Variants in AOAH observed in about 807,000 individuals in gnomAD.
AOAH encodes the protein acyloxyacyl hydrolase (neutrophil).
A neutral mutation model predicts 92.2 loss-of-function variants in AOAH; 64 were observed. The observed-to-expected ratio is 0.69, with a 90% CI of 0.57 to 0.86. The LOEUF (loss-of-function observed/expected upper bound fraction) is 0.86. Among genes scored for constraint, AOAH ranks in the 40% least tolerant of loss-of-function variants. The pLI is 0.00. For synonymous variants in AOAH, 263 were observed against 254.5 expected (o/e 1.03, Z -0.32); for missense variants, 656 against 694.6 (o/e 0.94, Z 0.62).
chr7:36,714,011 C>T (rs1391175413), intron 1 of AOAH, among the ~76,000 whole-genome samples: 5 of 152,074 alleles, frequency 3.3e-5, no homozygotes, highest in South Asian at 2.1e-4. Flanking sequence ...ACACAAAAAA[C>T]CCTTCAAAAA....
At chr7:36,550,062 A>G (rs1371225720) in intron 13 of AOAH, 2 of 152,450 alleles carry the variant, frequency 1.3e-5, no homozygotes, top group Non-Finnish European at 2.9e-5. Context: ...TATCTCTTAT[A>G]TGAAAACCCA....
At chr7:36,532,109 G>T in intron 18 of AOAH, 38 bp downstream of exon 18, 1 of 1,609,736 alleles carries the variant, frequency 6.2e-7, no homozygotes, top group East Asian at 2.2e-5. Flanking sequence ...GGGAAAGAAT[G>T]ATCAAAGATG....
intron 12 of AOAH, among the ~76,000 whole-genome samples, chr7:36,587,187 G>A (rs369497177): frequency 2.5e-4 from 38 of 149,106 alleles, no homozygotes; most frequent in African/African-American, 7.9e-4. Context: ...CAGGAGAATC[G>A]CTTGAACCCA....
chr7:36,676,936 G>A (rs959005189), intron 2 of AOAH, among the ~76,000 whole-genome samples: 2 of 152,054 alleles, frequency 1.3e-5, no homozygotes, highest in African/African-American at 2.4e-5. Flanking sequence ...AACCCAAAAC[G>A]GGTCAAAGAC....
chr7:36,617,236 C>T lies in AOAH; in HGVS notation c.752-762G>A, dbSNP rs529505344. Among the ~76,000 whole-genome samples the T allele has an allele frequency of 3.9e-5, 6 of 152,318 alleles. No individual in the cohort carries two copies. In the East Asian group the frequency reaches 7.7e-4, roughly 20 times the overall value. On this transcript the variant is annotated intron_variant, in intron 10 of 20. Transcript: ENST00000617537. ...CTTCATGGAAACCACTATTTGGCCA[C>T]AGAAATGGGGACTGAGAAGGCCCAG...
At chr7:36,682,857 C>G (rs1455161675) in intron 2 of AOAH, among the ~76,000 whole-genome samples, 1 of 151,772 alleles carries the variant, frequency 6.6e-6, no homozygotes, top group Non-Finnish European at 1.5e-5. Flanking sequence ...ATAGCAAAGA[C>G]AGGCAATGAA....
At chr7:36,723,927 T>C in intron 1 of AOAH, 95 bp downstream of exon 1, 2 of 1,394,506 alleles carry the variant, frequency 1.4e-6, no homozygotes, top group Non-Finnish European at 1.9e-6. Flanking sequence ...CTTACAATTC[T>C]TGATTTAATA....
chr7:36,616,813 T>C (rs1791921065), intron 10 of AOAH, among the ~76,000 whole-genome samples: 1 of 152,240 alleles, frequency 6.6e-6, no homozygotes. Context: ...GAAATTGCTT[T>C]CTTGAAAACA....
chr7:36,514,488 C>G, intron 20 of AOAH: 1 of 1,535,622 alleles, frequency 6.5e-7, no homozygotes, highest in Admixed American at 2.0e-5. Flanking sequence ...GTTCTGCTGT[C>G]GCATGTCAGG....
At chr7:36,626,121 G>T (rs1015159861) in intron 6 of AOAH, among the ~76,000 whole-genome samples, 3 of 152,092 alleles carry the variant, frequency 2.0e-5, no homozygotes, top group Non-Finnish European at 4.4e-5. Context: ...TTTTCTAGTT[G>T]AGAAAAGGAA....
chr7:36,703,229 G>A (rs566741958), intron 1 of AOAH, among the ~76,000 whole-genome samples: 34 of 151,942 alleles, frequency 2.2e-4, no homozygotes, highest in African/African-American at 5.3e-4. Flanking sequence ...TGGAATCAAC[G>A]TTTGCCAAAC....
intron 12 of AOAH, among the ~76,000 whole-genome samples, chr7:36,589,376 T>C (rs1291115855): frequency 6.6e-5 from 10 of 152,186 alleles, no homozygotes; most frequent in Admixed American, 6.5e-4. Flanking sequence ...CACTATACCA[T>C]AGGCTCTATA....
At chr7:36,649,044 A>G (rs1490356702) in intron 4 of AOAH, among the ~76,000 whole-genome samples, 1 of 152,230 alleles carries the variant, frequency 6.6e-6, no homozygotes, top group Non-Finnish European at 1.5e-5. Context: ...TGCTGTGTAT[A>G]TGCTAAGCAC....
At chr7:36,664,436 G>T (rs1276919254) in intron 3 of AOAH, among the ~76,000 whole-genome samples, 1 of 152,014 alleles carries the variant, frequency 6.6e-6, no homozygotes. Context: ...ATTTATGTGG[G>T]TCTATTTCTG....
At chr7:36,636,507 G>A (rs1396110158) in intron 5 of AOAH, among the ~76,000 whole-genome samples, 2 of 152,194 alleles carry the variant, frequency 1.3e-5, no homozygotes, top group African/African-American at 2.4e-5. Context: ...TCAGAGTTCT[G>A]AAGGGGGTGG....
At chr7:36,548,772 A>G (rs1785978863) in intron 14 of AOAH, 86 bp from the exon 15 acceptor site, 9 of 1,265,692 alleles carry the variant, frequency 7.1e-6, no homozygotes, top group Non-Finnish European at 9.2e-6. Flanking sequence ...CTTTGAAAAC[A>G]ATCTTGGTAT....
intron 1 of AOAH, among the ~76,000 whole-genome samples, chr7:36,712,618 C>A (rs1280879171): frequency 3.3e-5 from 5 of 152,204 alleles, no homozygotes; most frequent in African/African-American, 1.2e-4. Flanking sequence ...GCCCATCAGA[C>A]TAACAGCGGA....
intron 2 of AOAH, among the ~76,000 whole-genome samples, chr7:36,680,589 C>T (rs1490305413): frequency 6.6e-6 from 1 of 152,180 alleles, no homozygotes; most frequent in African/African-American, 2.4e-5. Flanking sequence ...AAATCCTTAG[C>T]TAGGAGAACG....
chr7:36,576,625 A>G lies in AOAH; in HGVS notation c.970T>C (p.Trp324Arg), dbSNP rs368813922. The change falls in exon 13 of 21, where the codon TGG (tryptophan) becomes CGG (arginine). Residue 324 changes from tryptophan to arginine, a missense_variant. Physicochemically the swap from Trp to Arg is moderately radical, Grantham distance 101. Transcript: ENST00000617537. Reference sequence around the variant, plus strand: ...CTGTGATTACAGTGGTTTCTTTTCCATAAGCGAAGGTAAATAGATTTTTCT... The same window carrying G: ...CTGTGATTACAGTGGTTTCTTTTCCGTAAGCGAAGGTAAATAGATTTTTCT... Reference protein sequence around the residue: ...IKEKSIYLRLWKRNHCNHRDY... With the variant: ...IKEKSIYLRLRKRNHCNHRDY... 6.3e-7 allele frequency: 1 copy of G among 1,581,074 alleles called. No individual in the cohort carries two copies. The highest frequency in any genetic ancestry group is 8.6e-7 in the Non-Finnish European group (1 of 1,157,536).
Sources: allele counts gnomAD v4.1 joint callset (sites outside exome capture counted in the v4.1 genomes callset), GRCh38; gene constraint gnomAD v4.1.1; transcripts MANE v1.5; gene names NCBI Gene and HGNC (gene_info 2026-07-23, HGNC 2026-07-21).